Variants in NFX1 observed in about 807,000 individuals in gnomAD.
The protein encoded by NFX1 is transcriptional repressor NF-X1.
Under a neutral mutation model 137.2 loss-of-function variants are expected in NFX1, and 69 were observed. The ratio of observed to expected loss-of-function variants is 0.50; its 90% CI spans 0.41 to 0.61. NFX1 has a LOEUF of 0.61. Ranked by LOEUF, NFX1 falls within the 20% of genes least tolerant of loss-of-function variation. The pLI is 0.00. For synonymous variants in NFX1, 495 were observed against 474.1 expected (o/e 1.04, Z -0.57); for missense variants, 1,167 against 1,391.0 (o/e 0.84, Z 2.56).
rs142940288 is a variant in NFX1 at position 33,328,820 on chromosome 9, G to A, written c.2004+142G>A. On this transcript the variant is annotated intron_variant, in intron 10 of 23. Coordinates refer to ENST00000379540, the MANE Select transcript of NFX1 (RefSeq NM_002504.6). ...ACTCAAGGTCCAGAGGCCTATAGTG[G>A]GATAAGGCAAATATACAGATCACTC... The A allele has an allele frequency of 1.4e-4, 86 of 599,332 alleles. 1 individual carries two copies. In the African/African-American group the frequency reaches 1.5e-3, roughly 10 times the overall value. 37.1% of individuals were successfully genotyped at this position (599,332 alleles called of 1,614,324 possible).
intron 23 of NFX1, among the ~76,000 whole-genome samples, chr9:33,368,183 C>T (rs1182729721): frequency 2.0e-5 from 3 of 151,670 alleles, no homozygotes; most frequent in Admixed American, 1.3e-4. Flanking sequence ...TGCAGTGAGC[C>T]GAGATCGCAC....
At chr9:33,318,237 C>G (rs1005995557) in intron 7 of NFX1, among the ~76,000 whole-genome samples, 1 of 151,984 alleles carries the variant, frequency 6.6e-6, no homozygotes, top group South Asian at 2.1e-4. Flanking sequence ...TTATGTAAAA[C>G]CTGACATAAA....
chr9:33,314,598 AC>A (rs1369006042), intron 7 of NFX1, among the ~76,000 whole-genome samples: 2 of 152,006 alleles, frequency 1.3e-5, no homozygotes, highest in Admixed American at 1.3e-4. Context: ...AATCACTTGA[AC>A]CCGGGAGGCG....
At chr9:33,350,045 T>G (rs376499865) in intron 15 of NFX1, among the ~76,000 whole-genome samples, 29 of 152,188 alleles carry the variant, frequency 1.9e-4, no homozygotes, top group African/African-American at 7.0e-4. Context: ...TTCTCATGCC[T>G]GTAATCCCAA....
intron 11 of NFX1, among the ~76,000 whole-genome samples, chr9:33,333,705 GT>G (rs1822895830): frequency 6.6e-6 from 1 of 152,214 alleles, no homozygotes; most frequent in Non-Finnish European, 1.5e-5. Context: ...CTGGCTCCCA[GT>G]TTCTGAACAA....
chr9:33,299,730 T>C (rs954475597), intron 2 of NFX1, among the ~76,000 whole-genome samples: 5 of 152,194 alleles, frequency 3.3e-5, no homozygotes, highest in Admixed American at 6.5e-5. Flanking sequence ...CACTCATTTA[T>C]TCCTTTATCC....
intron 19 of NFX1, among the ~76,000 whole-genome samples, chr9:33,358,680 T>TTTTTTTA (rs1823895152): frequency 8.4e-6 from 1 of 119,170 alleles, no homozygotes; most frequent in African/African-American, 2.9e-5. Context: ...TTTTTTTTTT[T>TTTTTTTA]GATACAGAGT....
intron 2 of NFX1, among the ~76,000 whole-genome samples, chr9:33,296,725 C>T (rs587608): frequency 1.3e-5 from 2 of 152,052 alleles, no homozygotes; most frequent in Admixed American, 6.5e-5. Flanking sequence ...CCCTGTTTTG[C>T]GGGGGGAAAA....
At chr9:33,302,002 G>T (rs1302631307) in intron 3 of NFX1, among the ~76,000 whole-genome samples, 2 of 152,196 alleles carry the variant, frequency 1.3e-5, no homozygotes, top group Non-Finnish European at 2.9e-5. Context: ...AATCCAGGAG[G>T]TGGAGATTGC....
intron 9 of NFX1, among the ~76,000 whole-genome samples, chr9:33,324,833 G>A (rs1477945635): frequency 6.6e-6 from 1 of 151,916 alleles, no homozygotes; most frequent in East Asian, 1.9e-4. Flanking sequence ...GGAGGCTGAG[G>A]CAGGAGAATG....
chr9:33,342,713 A>G (rs774757298), intron 12 of NFX1, 33 bp from the exon 13 acceptor site: 3 of 1,451,212 alleles, frequency 2.1e-6, no homozygotes, highest in African/African-American at 1.4e-5. Flanking sequence ...AATGAAGACC[A>G]TTTTATGAAC....
At chr9:33,309,128 C>T (rs1380234350) in intron 5 of NFX1, among the ~76,000 whole-genome samples, 1 of 152,092 alleles carries the variant, frequency 6.6e-6, no homozygotes, top group South Asian at 2.1e-4. Flanking sequence ...GAGGCCAAGG[C>T]GGGTGGATCA....
rs61589629 is a variant in NFX1 at position 33,358,647 on chromosome 9, A to ATTTTT, written c.2873+3784_2873+3788dup. On this transcript the variant is annotated intron_variant, in intron 19 of 23. Coordinates refer to ENST00000379540, the MANE Select transcript of NFX1 (RefSeq NM_002504.6). The stretch of plus-strand genomic sequence containing the variant: ...GCAAAAAAATTCTGTGAATGGCTTG[A>ATTTTT]TTTTTTTTTTTTTTTTTTTTTTTTT... Among the ~76,000 whole-genome samples, 174 of 48,482 alleles carry ATTTTT rather than the reference A, an allele frequency of 3.6e-3. 34 individuals carry two copies. The highest frequency in any genetic ancestry group is 0.012 in the African/African-American group (134 of 11,600). 31.8% of individuals were successfully genotyped at this position (48,482 alleles called of 152,430 possible).
chr9:33,313,152 C>G (rs1344102853), intron 6 of NFX1, among the ~76,000 whole-genome samples: 1 of 152,144 alleles, frequency 6.6e-6, no homozygotes, highest in East Asian at 1.9e-4. Flanking sequence ...CCCCAGCATT[C>G]TTTCTCCTTA....
rs201985524 is a variant in NFX1 at position 33,294,541 on chromosome 9, T to A, written c.147T>A (p.Ser49Arg). ...ATAGGATTGGTAGAAGAAATTACAG[T>A]TCACCACCTCCCTGTCACCTTTCCA... ...DSNRIGRRNY[S>R]SPPPCHLSRQ... The change falls in exon 2 of 24, where the codon AGT (serine) becomes AGA (arginine). Residue 49 changes from serine (S) to arginine (R), a missense_variant. Around this residue, in one of 3 missense-constraint regions of NFX1, gnomAD observed 367 missense variants for 386.7 expected, o/e 0.95. Transcript: ENST00000379540. 6.2e-7 allele frequency: 1 copy of A among 1,614,178 alleles called. No homozygotes were observed. The highest frequency in any genetic ancestry group is 1.7e-5 in the Admixed American group (1 of 60,014).
chr9:33,335,664 T>G (rs1238222986), intron 11 of NFX1, among the ~76,000 whole-genome samples: 2 of 152,170 alleles, frequency 1.3e-5, no homozygotes, highest in Non-Finnish European at 2.9e-5. Flanking sequence ...AACATTTTCG[T>G]CACCCTGAAA....
chr9:33,366,528 A>G, intron 21 of NFX1, 101 bp from the exon 22 acceptor site: 1 of 1,420,236 alleles, frequency 7.0e-7, no homozygotes, highest in Non-Finnish European at 9.6e-7. Context: ...CTCTAAAATC[A>G]CCTCTTATTG....
chr9:33,351,260 C>G (rs113341276), intron 15 of NFX1, among the ~76,000 whole-genome samples: 2 of 152,052 alleles, frequency 1.3e-5, no homozygotes, highest in African/African-American at 2.4e-5. Flanking sequence ...GAGTTCGAGA[C>G]CAGCCTGGGC....
chr9:33,335,160 CA>C (rs1564129155), intron 11 of NFX1, among the ~76,000 whole-genome samples: 1 of 151,792 alleles, frequency 6.6e-6, no homozygotes, highest in Non-Finnish European at 1.5e-5. Flanking sequence ...AGTTCTTTCA[CA>C]ATCTAGTTCC....
Sources: gnomAD v4.1 joint callset for allele counts (sites outside exome capture counted in the v4.1 genomes callset) on GRCh38, gnomAD v4.1.1 for gene constraint, gnomAD v4.1.1 regional missense constraint, MANE v1.5 for transcripts, NCBI Gene and HGNC (gene_info 2026-07-23, HGNC 2026-07-21) for gene names.